Variants in COL25A1 observed in about 807,000 individuals in gnomAD.
The protein encoded by COL25A1 is collagen type XXV alpha 1 chain, also known as collagen alpha-1(XXV) chain.
A neutral mutation model predicts 128.4 loss-of-function variants in COL25A1; 103 were observed. The ratio of observed to expected loss-of-function variants is 0.80; its 90% CI spans 0.68 to 0.94. The LOEUF (loss-of-function observed/expected upper bound fraction) is 0.94, where lower values mean the gene tolerates loss of function less well. Among genes scored for constraint, COL25A1 ranks in the 40% least tolerant of loss-of-function variants. The probability of loss-of-function intolerance (pLI) is 0.00; values close to 1 mark genes in which losing one functional copy is unlikely to be tolerated. For missense variants in COL25A1, 745 were observed against 840.0 expected (o/e 0.89, Z 1.40); for synonymous variants, 279 against 277.2 (o/e 1.01, Z -0.06).
chr4:108,990,066 T>C (rs1035788928), intron 6 of COL25A1, among the ~76,000 whole-genome samples: 2 of 150,958 alleles, frequency 1.3e-5, no homozygotes, highest in Admixed American at 6.6e-5. Context: ...TACCAAAAAT[T>C]AGCCAGGTAT....
intron 3 of COL25A1, among the ~76,000 whole-genome samples, chr4:109,133,572 A>G (rs1463983852): frequency 6.6e-6 from 1 of 152,194 alleles, no homozygotes; most frequent in African/African-American, 2.4e-5. Context: ...CCTTATCAAA[A>G]TATTCTTGTA....
intron 6 of COL25A1, among the ~76,000 whole-genome samples, chr4:108,986,541 A>G (rs12499562): frequency 6.6e-6 from 1 of 152,058 alleles, no homozygotes; most frequent in Non-Finnish European, 1.5e-5. Flanking sequence ...AATAATACCA[A>G]AAGGAAGTAA....
intron 3 of COL25A1, among the ~76,000 whole-genome samples, chr4:109,245,883 G>A (rs1036918970): frequency 1.3e-5 from 2 of 152,058 alleles, no homozygotes; most frequent in African/African-American, 4.8e-5. Context: ...TTGTCCCAGG[G>A]ATCAGGATCA....
chr4:108,970,637 C>T lies in COL25A1; in HGVS notation c.492+3730G>A, dbSNP rs116720690. The stretch of plus-strand genomic sequence containing the variant: ...TATTAACTGTGGTCACGTTGCTGTA[C>T]AGTAGATCTGTTGAACTTATTCCTC... On this transcript the variant is annotated intron_variant, in intron 8 of 37. Transcript: ENST00000399132. 6.9e-3 allele frequency among the ~76,000 whole-genome samples: 1,055 copies of T among 152,212 alleles called. 11 individuals are homozygous for T. Among genetic ancestry groups the T allele is most frequent in the African/African-American group, 0.024 (985 of 41,536 alleles).
chr4:109,256,626 T>G (rs182660150), intron 3 of COL25A1, among the ~76,000 whole-genome samples: 4 of 152,176 alleles, frequency 2.6e-5, no homozygotes, highest in African/African-American at 9.7e-5. Context: ...CAGTGTTTGG[T>G]TGACATAATG....
At chr4:108,875,062 T>C (rs572060598) in intron 19 of COL25A1, among the ~76,000 whole-genome samples, 19 of 152,184 alleles carry the variant, frequency 1.2e-4, no homozygotes, top group African/African-American at 4.6e-4. Flanking sequence ...GTGCTGAGGA[T>C]AGATAGTGTG....
intron 6 of COL25A1, among the ~76,000 whole-genome samples, chr4:109,009,682 T>G (rs1463984309): frequency 6.6e-6 from 1 of 152,226 alleles, no homozygotes; most frequent in Non-Finnish European, 1.5e-5. Flanking sequence ...CTGCATTTTC[T>G]TCTCTATAGA....
intron 31 of COL25A1, among the ~76,000 whole-genome samples, chr4:108,835,896 G>T (rs1345502418): frequency 1.3e-5 from 1 of 74,216 alleles, no homozygotes; most frequent in African/African-American, 5.5e-5. Flanking sequence ...TTTTGAGACG[G>T]ACTCTCGCTC....
intron 3 of COL25A1, among the ~76,000 whole-genome samples, chr4:109,215,043 A>C (rs1290462926): frequency 6.6e-6 from 1 of 152,138 alleles, no homozygotes; most frequent in Non-Finnish European, 1.5e-5. Flanking sequence ...CATTTATCTC[A>C]GCAAATCTTA....
chr4:108,871,330 A>T (rs551361374), intron 19 of COL25A1, among the ~76,000 whole-genome samples: 69 of 152,136 alleles, frequency 4.5e-4, no homozygotes, highest in Admixed American at 4.5e-3. Flanking sequence ...TTATTTATTT[A>T]TTTTTTTGAG....
At chr4:108,863,481 CAG>C in intron 20 of COL25A1, 94 bp from the exon 21 acceptor site, 1 of 997,824 alleles carries the variant, frequency 1.0e-6, no homozygotes, top group Non-Finnish European at 1.5e-6. Flanking sequence ...CCAAAGAAAG[CAG>C]AGAGTTTTCA....
intron 3 of COL25A1, among the ~76,000 whole-genome samples, chr4:109,100,581 C>A (rs1426449768): frequency 6.6e-6 from 1 of 151,996 alleles, no homozygotes; most frequent in Non-Finnish European, 1.5e-5. Context: ...TAATCTTATT[C>A]ATATTATCTA....
chr4:108,822,184 C>T (rs1731850905), intron 35 of COL25A1, among the ~76,000 whole-genome samples: 1 of 151,504 alleles, frequency 6.6e-6, no homozygotes, highest in African/African-American at 2.4e-5. Context: ...GCTGGGATTA[C>T]AGGTACCCAC....
At chr4:109,152,975 C>T (rs1441201814) in intron 3 of COL25A1, among the ~76,000 whole-genome samples, 2 of 152,100 alleles carry the variant, frequency 1.3e-5, no homozygotes, top group Non-Finnish European at 2.9e-5. Flanking sequence ...GGTTGCATGA[C>T]AACCTGAATG....
intron 5 of COL25A1, among the ~76,000 whole-genome samples, chr4:109,025,318 T>C (rs186285651): frequency 2.4e-3 from 360 of 152,316 alleles, no homozygotes; most frequent in Non-Finnish European, 4.0e-3. Context: ...TTTACTGCCC[T>C]ACCAATTTTT....
chr4:108,815,502 A>G (rs892154367), intron 37 of COL25A1, among the ~76,000 whole-genome samples: 3 of 152,140 alleles, frequency 2.0e-5, no homozygotes, highest in Non-Finnish European at 4.4e-5. Flanking sequence ...GGTTGATCAG[A>G]ATGATTTGCA....
chr4:108,848,115 T>A (rs1735327094), intron 27 of COL25A1, among the ~76,000 whole-genome samples: 1 of 151,592 alleles, frequency 6.6e-6, no homozygotes, highest in Non-Finnish European at 1.5e-5. Context: ...AGAGTGAATT[T>A]AAAAAAAAAT....
intron 3 of COL25A1, among the ~76,000 whole-genome samples, chr4:109,059,306 T>C (rs1579232888): frequency 6.6e-6 from 1 of 152,272 alleles, no homozygotes; most frequent in East Asian, 1.9e-4. Flanking sequence ...TAGTAAATGG[T>C]GGGTTAGGGA....
At chr4:109,223,409 A>C (rs917350590) in intron 3 of COL25A1, among the ~76,000 whole-genome samples, 1 of 151,632 alleles carries the variant, frequency 6.6e-6, no homozygotes, top group Non-Finnish European at 1.5e-5. Context: ...CCCCCCCCCA[A>C]AAAAAACTGC....
Sources: allele counts gnomAD v4.1 joint callset (sites outside exome capture counted in the v4.1 genomes callset), GRCh38; gene constraint gnomAD v4.1.1; transcripts MANE v1.5; gene names NCBI Gene and HGNC (gene_info 2026-07-23, HGNC 2026-07-21).